Variants in TAF4B observed in about 807,000 individuals in gnomAD.
TAF4B encodes transcription initiation factor TFIID subunit 4B.
Under a neutral mutation model 86.4 loss-of-function variants are expected in TAF4B, and 38 were observed. That is an observed-to-expected ratio of 0.44 (90% CI 0.34 to 0.58). The LOEUF (loss-of-function observed/expected upper bound fraction) is 0.58, where lower values mean the gene tolerates loss of function less well. TAF4B is among the 20% of genes least tolerant of loss of function. TAF4B has a pLI of 0.02. For synonymous variants in TAF4B, 388 were observed against 391.2 expected (o/e 0.99, Z 0.10); for missense variants, 988 against 1,027.6 (o/e 0.96, Z 0.53).
At chr18:26,333,566 T>G (rs2057068187) in intron 12 of TAF4B, among the ~76,000 whole-genome samples, 1 of 152,122 alleles carries the variant, frequency 6.6e-6, no homozygotes, top group Non-Finnish European at 1.5e-5. Context: ...ATTTTTTAAA[T>G]TTTTAGTAGA....
chr18:26,232,380 G>A (rs570585411), intron 1 of TAF4B, among the ~76,000 whole-genome samples: 2 of 152,218 alleles, frequency 1.3e-5, no homozygotes, highest in Non-Finnish European at 2.9e-5. Context: ...CAGTGGGTTG[G>A]TCCAGGGGTC....
At chr18:26,291,899 G>A (rs2056598189) in intron 7 of TAF4B, among the ~76,000 whole-genome samples, 1 of 152,124 alleles carries the variant, frequency 6.6e-6, no homozygotes, top group Non-Finnish European at 1.5e-5. Flanking sequence ...CATTGTTGAA[G>A]CTGGGTAATG....
chr18:26,345,378 T>A (rs2057168643), intron 13 of TAF4B, among the ~76,000 whole-genome samples: 1 of 152,228 alleles, frequency 6.6e-6, no homozygotes, highest in Non-Finnish European at 1.5e-5. Context: ...TGCAGGCATG[T>A]CCTCGGGCCG....
At chr18:26,323,711 T>A (rs548983771) in intron 11 of TAF4B, among the ~76,000 whole-genome samples, 20 of 152,302 alleles carry the variant, frequency 1.3e-4, no homozygotes, top group African/African-American at 4.6e-4. Flanking sequence ...TTTGTCTCTT[T>A]TAAGGGTTTT....
chr18:26,367,158 T>C (rs1297382878), intron 14 of TAF4B, among the ~76,000 whole-genome samples: 4 of 152,216 alleles, frequency 2.6e-5, no homozygotes, highest in African/African-American at 9.6e-5. Flanking sequence ...CAGTAGGATA[T>C]ACATATGTAC....
At chr18:26,263,554 A>C (rs985243567) in intron 1 of TAF4B, among the ~76,000 whole-genome samples, 1 of 152,178 alleles carries the variant, frequency 6.6e-6, no homozygotes, top group Non-Finnish European at 1.5e-5. Context: ...ATGTGAACCA[A>C]AATTTTGCTT....
At chr18:26,299,349 A>G (rs2056704106) in intron 9 of TAF4B, among the ~76,000 whole-genome samples, 1 of 152,194 alleles carries the variant, frequency 6.6e-6, no homozygotes, top group South Asian at 2.1e-4. Context: ...TTCTAGGATC[A>G]TGAATTACAT....
intron 1 of TAF4B, among the ~76,000 whole-genome samples, chr18:26,260,554 C>T (rs2056149855): frequency 6.6e-6 from 1 of 152,150 alleles, no homozygotes; most frequent in South Asian, 2.1e-4. Context: ...TTCCCCATTT[C>T]TTGTTTTTGT....
At chr18:26,246,326 T>C (rs1449262065) in intron 1 of TAF4B, among the ~76,000 whole-genome samples, 1 of 152,162 alleles carries the variant, frequency 6.6e-6, no homozygotes, top group Non-Finnish European at 1.5e-5. Flanking sequence ...GATACATAGT[T>C]GTCTAGAAAG....
intron 9 of TAF4B, among the ~76,000 whole-genome samples, chr18:26,293,958 T>A (rs565957692): frequency 1.6e-4 from 25 of 152,306 alleles, no homozygotes; most frequent in Non-Finnish European, 2.9e-4. Context: ...AGCATCTGTG[T>A]CATTTGGAAT....
At chr18:26,332,848 T>C (rs148101866) in intron 12 of TAF4B, among the ~76,000 whole-genome samples, 1 of 152,246 alleles carries the variant, frequency 6.6e-6, no homozygotes, top group East Asian at 1.9e-4. Context: ...ATTGTTTTTA[T>C]AGCTGGAATT....
chr18:26,316,390 C>CT (rs754643401), intron 10 of TAF4B, among the ~76,000 whole-genome samples: 42 of 136,772 alleles, frequency 3.1e-4, no homozygotes, highest in African/African-American at 8.9e-4. Flanking sequence ...TCTTCTTCTT[C>CT]TTTTTTTTTT....
In TAF4B at chr18:26,226,547, G is replaced by T. The variant is rs955733680; in HGVS notation, c.-387G>T. The T allele has an allele frequency of 3.6e-5, 6 of 168,784 alleles. No individual in the cohort carries two copies. Among genetic ancestry groups the T allele is most frequent in the Non-Finnish European group, 6.3e-5 (5 of 79,468 alleles). 10.5% of individuals were successfully genotyped at this position (168,784 alleles called of 1,614,324 possible). The stretch of plus-strand genomic sequence containing the variant: ...GGTTCGTAGTTTTGAAATTTCTGGC[G>T]GGGGAGCAGCTGCGCAGTTAGGCTC... On this transcript the variant is annotated 5_prime_UTR_variant, in exon 1 of 15. Transcript: ENST00000269142.
At chr18:26,377,902 A>G (rs2057453463) in intron 14 of TAF4B, among the ~76,000 whole-genome samples, 1 of 152,250 alleles carries the variant, frequency 6.6e-6, no homozygotes, top group Non-Finnish European at 1.5e-5. Flanking sequence ...ACATGTAGCA[A>G]ATAAAAGTAT....
chr18:26,358,837 T>C (rs986790464), intron 14 of TAF4B, among the ~76,000 whole-genome samples: 1 of 152,240 alleles, frequency 6.6e-6, no homozygotes, highest in East Asian at 1.9e-4. Context: ...GCTCATCTTA[T>C]ACTTCTCTAT....
intron 6 of TAF4B, among the ~76,000 whole-genome samples, chr18:26,284,328 A>C (rs748371694): frequency 3.3e-5 from 5 of 152,184 alleles, no homozygotes; most frequent in Non-Finnish European, 5.9e-5. Flanking sequence ...ACACCACTCA[A>C]ACTTTCTCCA....
chr18:26,279,821 C>T (rs1314076229), intron 5 of TAF4B, among the ~76,000 whole-genome samples: 3 of 152,088 alleles, frequency 2.0e-5, no homozygotes, highest in South Asian at 2.1e-4. Flanking sequence ...GCAGGTGGAT[C>T]GCTTGCAGTC....
chr18:26,319,263 G>A (rs1039367664), intron 10 of TAF4B, among the ~76,000 whole-genome samples: 4 of 151,798 alleles, frequency 2.6e-5, no homozygotes, highest in African/African-American at 7.3e-5. Flanking sequence ...AAGCTGAGGC[G>A]GGCAGATCAC....
chr18:26,253,084 A>C (rs915918587), intron 1 of TAF4B, among the ~76,000 whole-genome samples: 2 of 152,086 alleles, frequency 1.3e-5, no homozygotes, highest in East Asian at 3.9e-4. Flanking sequence ...TGGAATTCTG[A>C]ATATAATGTT....
Sources: allele counts gnomAD v4.1 joint callset (sites outside exome capture counted in the v4.1 genomes callset), GRCh38; gene constraint gnomAD v4.1.1; transcripts MANE v1.5; gene names NCBI Gene and HGNC (gene_info 2026-07-23, HGNC 2026-07-21).